The following SPOCD1 variants were observed in gnomAD, a reference collection of about 807,000 sequenced individuals.
The protein encoded by SPOCD1 is SPOC domain-containing protein 1.
In SPOCD1, 64 loss-of-function variants were observed where a neutral mutation model predicts 92.2. The observed-to-expected ratio is 0.69, with a 90% CI of 0.57 to 0.86. SPOCD1 has a LOEUF of 0.86. Among genes scored for constraint, SPOCD1 ranks in the 40% least tolerant of loss-of-function variants. The pLI is 0.00. For synonymous variants in SPOCD1, 578 were observed against 619.3 expected, an observed-to-expected ratio of 0.93 and a Z score of 0.99; for missense variants, 1,360 against 1,543.1, an observed-to-expected ratio of 0.88 and a Z score of 1.99.
chr1:31,813,371 G>T (rs1172173132), intron 2 of SPOCD1, among the ~76,000 whole-genome samples: 3 of 151,980 alleles, frequency 2.0e-5, no homozygotes, highest in Non-Finnish European at 4.4e-5. Flanking sequence ...AGGTTCAAGT[G>T]ATTCTCCTGC....
At chr1:31,813,269 TTTTG>T (rs950549922) in intron 2 of SPOCD1, among the ~76,000 whole-genome samples, 12 of 152,274 alleles carry the variant, frequency 7.9e-5, no homozygotes, top group African/African-American at 1.4e-4. Context: ...GGCACCTTTT[TTTTG>T]TTTGTTTGTT....
In SPOCD1 at chr1:31,800,566, C is replaced by A. The variant is rs779634134; in HGVS notation, c.1477G>T (p.Ala493Ser). The A allele has an allele frequency of 6.2e-7, 1 of 1,610,728 alleles. No homozygotes were observed. The highest frequency in any genetic ancestry group is 8.5e-7 in the Non-Finnish European group (1 of 1,178,732). ...AGCTTTGGTGGCAGCTGCCCCCCTG[C>A]CTGGCCGTGGCTGATGGCCCCCAGG... The part of the protein sequence containing the change: ...QLLGAISHGQ[A>S]GGQLPPKLEV... Residue 493 changes from alanine (A) to serine (S), a missense_variant, in exon 4 of 16, where the codon GCA (alanine) becomes TCA (serine). Transcript: ENST00000360482.
Position 31,800,560 on chromosome 1 carries a change from C to T in SPOCD1, c.1483G>A (p.Gly495Arg). 1 of 1,611,028 alleles carries T rather than the reference C, an allele frequency of 6.2e-7. No individual in the cohort carries two copies. Among genetic ancestry groups the T allele is most frequent in the Non-Finnish European group, 8.5e-7 (1 of 1,178,896 alleles). ...LGAISHGQAG[G>R]QLPPKLEVLE... ...ACCTCCAGCTTTGGTGGCAGCTGCC[C>T]CCCTGCCTGGCCGTGGCTGATGGCC... is the stretch of plus-strand genomic sequence containing the variant. Residue 495 changes from glycine (G) to arginine (R), a missense_variant, in exon 4 of 16, where the codon GGG becomes AGG. Gly to Arg is a moderately radical substitution (Grantham distance 125). Around this residue, in one of 3 missense-constraint regions of SPOCD1, gnomAD observed 606 missense variants for 601.5 expected, o/e 1.01. Transcript: ENST00000360482.
In SPOCD1 at chr1:31,794,562, G is replaced by A. The variant is rs539490392; in HGVS notation, c.2272-327C>T. The A allele has an allele frequency of 1.0e-4, 17 of 169,838 alleles. No homozygotes were observed. In the South Asian group the frequency reaches 2.2e-3, roughly 22 times the overall value. 10.5% of individuals were successfully genotyped at this position (169,838 alleles called of 1,614,324 possible). Reference sequence around the variant, plus strand: ...GACAGAGTCTTGCTCTGTTGCCTGGGCTGGAGTGCAGTGGCTCGATCTCGG... The same window carrying A: ...GACAGAGTCTTGCTCTGTTGCCTGGACTGGAGTGCAGTGGCTCGATCTCGG... On this transcript the variant is annotated intron_variant, in intron 10 of 15. Transcript: ENST00000360482.
chr1:31,804,762 G>A (rs1414624811), intron 2 of SPOCD1, among the ~76,000 whole-genome samples: 1 of 151,936 alleles, frequency 6.6e-6, no homozygotes, highest in African/African-American at 2.4e-5. Context: ...AACATTGATT[G>A]TATGAAACTA....
chr1:31,796,819 C>T lies in SPOCD1; in HGVS notation c.2146-104G>A, dbSNP rs914993423. On this transcript the variant is annotated intron_variant, in intron 9 of 15. Transcript: ENST00000360482. ...CCTTGAGGCCCCTCTCTTGTGGTTCCCCTCTCCTCAAAACTTTTACTTCCG... is the reference window on the plus strand; with the variant it reads ...CCTTGAGGCCCCTCTCTTGTGGTTCTCCTCTCCTCAAAACTTTTACTTCCG... 35 of 1,530,446 alleles carry T rather than the reference C, an allele frequency of 2.3e-5. No homozygotes were observed. In the African/African-American group the frequency reaches 4.4e-4, roughly 19 times the overall value. The allele number at this position is 1,530,446 out of a possible 1,614,324, so 94.8% of individuals were successfully genotyped here.
chr1:31,798,733 G>T lies in SPOCD1; in HGVS notation c.1869-132C>A. 1 of 942,034 alleles carries T rather than the reference G, an allele frequency of 1.1e-6. No individual in the cohort carries two copies. Among genetic ancestry groups the T allele is most frequent in the South Asian group, 1.6e-5 (1 of 60,726 alleles). The allele number at this position is 942,034 out of a possible 1,614,324, so 58.4% of individuals were successfully genotyped here. On this transcript the variant is annotated intron_variant, in intron 7 of 15. Coordinates refer to ENST00000360482, the MANE Select transcript of SPOCD1 (RefSeq NM_144569.7). This position sits in a 1 kb window ranked among gnomAD's most constrained non-coding sequence, Gnocchi z 4.1. ...TCCTGTCGTGGGTGTTTCCCTGCAG[G>T]AACCTACTTATTCTCACCCCAACTC... is the stretch of plus-strand genomic sequence containing the variant.
At chr1:31,792,613 A>C in intron 14 of SPOCD1, 65 bp downstream of exon 14, 1 of 1,346,816 alleles carries the variant, frequency 7.4e-7, no homozygotes. Context: ...TCTGCTCTAG[A>C]AGTGGAGAGG....
At position 31,800,148 on chromosome 1, in the gene SPOCD1, G is replaced by A. The variant is rs1419303494; in HGVS notation, c.1603-7C>T. 1.9e-6 allele frequency: 3 copies of A among 1,592,680 alleles called. No homozygotes were observed. Among genetic ancestry groups the A allele is most frequent in the Non-Finnish European group, 2.6e-6 (3 of 1,170,742 alleles). On this transcript the variant is annotated splice_region_variant and splice_polypyrimidine_tract_variant and intron_variant, in intron 4 of 15. Transcript: ENST00000360482. Reference sequence around the variant, plus strand: ...AAGGAGAAGGCTGGAAAACCTTGGGGCAGGGAGCAGACAAGCTATTGGCCG... The same window carrying A: ...AAGGAGAAGGCTGGAAAACCTTGGGACAGGGAGCAGACAAGCTATTGGCCG...
At chr1:31,802,726 C>T (rs1284641692) in intron 2 of SPOCD1, among the ~76,000 whole-genome samples, 2 of 152,112 alleles carry the variant, frequency 1.3e-5, no homozygotes, top group East Asian at 3.8e-4. Flanking sequence ...GCGTGTATTT[C>T]TTTTACAACC....
intron 13 of SPOCD1, 146 bp downstream of exon 13, chr1:31,793,132 T>G (rs537648490): frequency 2.0e-6 from 2 of 1,020,354 alleles, no homozygotes; most frequent in African/African-American, 3.3e-5. Context: ...AACATCTCAT[T>G]TGCCCCCATG....
In SPOCD1 at chr1:31,798,250, G is replaced by A. The variant is rs1281689120; in HGVS notation, c.2102C>T (p.Ala701Val). Residue 701 changes from alanine (A) to valine (V), a missense_variant, in exon 9 of 16, where the codon GCC (alanine) becomes GTC (valine). Ala to Val is a moderately conservative substitution (Grantham distance 64). Around this residue, in one of 3 missense-constraint regions of SPOCD1, gnomAD observed 614 missense variants for 757.8 expected, o/e 0.81. Transcript: ENST00000360482. This position sits in a 1 kb window ranked among gnomAD's most constrained non-coding sequence, Gnocchi z 4.1. ...DLVRMSSMQL[A>V]PQELARWRDQ... ...CCGCCAGCGGGCCAGCTCCTGGGGG[G>A]CCAGCTGCATCGAGCTCATCCGCAC... 3 of 1,613,986 alleles carry A rather than the reference G, an allele frequency of 1.9e-6. No individual in the cohort carries two copies. The highest frequency in any genetic ancestry group is 1.3e-5 in the African/African-American group (1 of 74,936).
At chr1:31,797,679 A>G (rs1648120332) in intron 9 of SPOCD1, among the ~76,000 whole-genome samples, 1 of 152,166 alleles carries the variant, frequency 6.6e-6, no homozygotes, top group Admixed American at 6.5e-5. Context: ...CCACCAACAA[A>G]CATGAGGTGA....
chr1:31,793,572 C>T lies in SPOCD1; in HGVS notation c.2535-144G>A. 4 of 1,483,876 alleles carry T rather than the reference C, an allele frequency of 2.7e-6. No individual in the cohort carries two copies. The Admixed American group carries it at 7.8e-5, about 29-fold the overall frequency. The allele number at this position is 1,483,876 out of a possible 1,614,324, so 91.9% of individuals were successfully genotyped here. On this transcript the variant is annotated intron_variant, in intron 12 of 15. Coordinates refer to ENST00000360482, the MANE Select transcript of SPOCD1 (RefSeq NM_144569.7). ...AAGCTTGGCCTTGTGCAGGGGGCTG[C>T]CAGGAGGCTGGGATGATTAGTTCCA...
chr1:31,808,033 T>A (rs534251863), intron 2 of SPOCD1, among the ~76,000 whole-genome samples: 13 of 152,180 alleles, frequency 8.5e-5, no homozygotes, highest in Admixed American at 2.6e-4. Context: ...CAGTCCATAC[T>A]TTTTTTAACC....
chr1:31,801,992 AC>A (rs1295718869), intron 2 of SPOCD1, among the ~76,000 whole-genome samples: 1 of 152,068 alleles, frequency 6.6e-6, no homozygotes, highest in Non-Finnish European at 1.5e-5. Context: ...ACCTGGTGAA[AC>A]CCCGTCTCTA....
Position 31,799,500 on chromosome 1 carries a change from CG to C in SPOCD1, c.1784-16del. ...TTGGAGCTGAGCTGTAGGGAGAGAGCGTCACAGGCTCCCAGGGGTGCCCAGG... is the reference window on the plus strand; with the variant it reads ...TTGGAGCTGAGCTGTAGGGAGAGAGCTCACAGGCTCCCAGGGGTGCCCAGG... On this transcript the variant is annotated splice_polypyrimidine_tract_variant and intron_variant, in intron 6 of 15. Transcript: ENST00000360482. 6.2e-7 allele frequency: 1 copy of C among 1,604,284 alleles called. No individual in the cohort carries two copies.
intron 2 of SPOCD1, among the ~76,000 whole-genome samples, chr1:31,808,324 A>T (rs1262906776): frequency 1.3e-5 from 2 of 151,930 alleles, no homozygotes; most frequent in Non-Finnish European, 2.9e-5. Flanking sequence ...TTAACATTTT[A>T]AAAAACTTAA....
intron 2 of SPOCD1, among the ~76,000 whole-genome samples, chr1:31,807,901 A>G (rs1557829239): frequency 6.6e-6 from 1 of 152,208 alleles, no homozygotes; most frequent in Non-Finnish European, 1.5e-5. Context: ...TGAAACAAAT[A>G]GATATCTAGA....
Sources: allele counts gnomAD v4.1 joint callset (sites outside exome capture counted in the v4.1 genomes callset), GRCh38; gene constraint gnomAD v4.1.1; regional missense constraint gnomAD v4.1.1; non-coding constraint Gnocchi (gnomAD v3.1); transcripts MANE v1.5; gene names NCBI Gene and HGNC (gene_info 2026-07-23, HGNC 2026-07-21).